Variants in RASA2 observed in about 807,000 individuals in gnomAD.
RASA2 encodes ras GTPase-activating protein 2.
Under a neutral mutation model 118.2 loss-of-function variants are expected in RASA2, and 155 were observed. The ratio of observed to expected loss-of-function variants is 1.31; its 90% CI spans 1.15 to 1.50. The LOEUF (loss-of-function observed/expected upper bound fraction) is 1.50. RASA2 is among the 40% of genes most tolerant of loss of function. The pLI is 0.00. For synonymous variants in RASA2, 353 were observed against 349.1 expected, an observed-to-expected ratio of 1.01 and a Z score of -0.12; for missense variants, 1,016 against 1,009.6, an observed-to-expected ratio of 1.01 and a Z score of -0.09.
intron 23 of RASA2, among the ~76,000 whole-genome samples, chr3:141,611,830 G>A (rs1236273378): frequency 6.6e-6 from 1 of 152,074 alleles, no homozygotes; most frequent in Non-Finnish European, 1.5e-5. Context: ...CTGTATTAAT[G>A]TAATTGGTTC....
intron 2 of RASA2, among the ~76,000 whole-genome samples, chr3:141,513,010 C>T (rs1354338719): frequency 1.3e-5 from 2 of 150,664 alleles, no homozygotes; most frequent in African/African-American, 2.4e-5. Context: ...TTGCAGTGAG[C>T]CAAGATTATG....
chr3:141,494,283 G>T (rs952955469), intron 1 of RASA2, among the ~76,000 whole-genome samples: 1 of 152,260 alleles, frequency 6.6e-6, no homozygotes, highest in African/African-American at 2.4e-5. Context: ...CACCAGCAAT[G>T]TATGACTGCC....
At chr3:141,589,941 G>A (rs972555221) in intron 19 of RASA2, among the ~76,000 whole-genome samples, 2 of 152,092 alleles carry the variant, frequency 1.3e-5, no homozygotes, top group African/African-American at 4.8e-5. Flanking sequence ...TAAAACAGAC[G>A]CATTAGAAGC....
At position 141,603,535 on chromosome 3, in the gene RASA2, T is replaced by G. The variant is rs993721967; in HGVS notation, c.1934-4143T>G. Among the ~76,000 whole-genome samples the G allele has an allele frequency of 2.0e-5, 3 of 152,178 alleles. 1 individual carries two copies. On this transcript the variant is annotated intron_variant, in intron 19 of 23. Transcript: ENST00000286364. The stretch of plus-strand genomic sequence containing the variant: ...GCAGTGAGCCGAGATCATGCCATTG[T>G]ACTCCAGCCTGGGTGATGAGAGCAA...
At chr3:141,584,368 G>C (rs1177556954) in intron 17 of RASA2, among the ~76,000 whole-genome samples, 1 of 148,136 alleles carries the variant, frequency 6.8e-6, no homozygotes, top group Admixed American at 6.7e-5. Flanking sequence ...AAGGAAAAAG[G>C]AATCGTTCCT....
At chr3:141,491,239 C>T (rs1293468451) in intron 1 of RASA2, among the ~76,000 whole-genome samples, 8 of 152,152 alleles carry the variant, frequency 5.3e-5, no homozygotes, top group Admixed American at 5.2e-4. Flanking sequence ...CTTTACTCCA[C>T]CCCATCTTTA....
chr3:141,532,815 A>G (rs34390752), intron 4 of RASA2, among the ~76,000 whole-genome samples: 1 of 152,282 alleles, frequency 6.6e-6, no homozygotes, highest in South Asian at 2.1e-4. Context: ...CAAGTGGCAC[A>G]TGGAAACTGA....
chr3:141,596,450 A>G (rs757859602), intron 19 of RASA2, among the ~76,000 whole-genome samples: 1 of 152,220 alleles, frequency 6.6e-6, no homozygotes, highest in South Asian at 2.1e-4. Flanking sequence ...TTACATAACT[A>G]AATGTATGGT....
At chr3:141,521,854 T>G (rs767226041) in intron 3 of RASA2, among the ~76,000 whole-genome samples, 17 of 152,092 alleles carry the variant, frequency 1.1e-4, no homozygotes, top group Admixed American at 2.0e-4. Flanking sequence ...TTTAACATTT[T>G]TCTAGTTCAG....
At chr3:141,488,764 A>G (rs1181159001) in intron 1 of RASA2, among the ~76,000 whole-genome samples, 2 of 152,190 alleles carry the variant, frequency 1.3e-5, no homozygotes, top group Non-Finnish European at 2.9e-5. Flanking sequence ...CTAATTTAAC[A>G]TTTGGGAAAA....
intron 5 of RASA2, 57 bp from the exon 6 acceptor site, chr3:141,553,800 T>A: frequency 6.4e-7 from 1 of 1,567,152 alleles, no homozygotes; most frequent in African/African-American, 1.4e-5. Context: ...TTAAAGATAA[T>A]GTTTTATCTT....
chr3:141,529,638 A>C (rs2082231106), intron 3 of RASA2, 70 bp from the exon 4 acceptor site: 1 of 1,041,986 alleles, frequency 9.6e-7, no homozygotes, highest in African/African-American at 1.6e-5. Flanking sequence ...GTATTATATA[A>C]AACAGTGCTA....
At chr3:141,539,394 T>C (rs2082374239) in intron 4 of RASA2, among the ~76,000 whole-genome samples, 1 of 152,202 alleles carries the variant, frequency 6.6e-6, no homozygotes, top group Non-Finnish European at 1.5e-5. Flanking sequence ...TCCATCAGTA[T>C]TTTTTGCTCA....
intron 1 of RASA2, among the ~76,000 whole-genome samples, chr3:141,500,797 A>G (rs1050466472): frequency 1.3e-5 from 2 of 152,226 alleles, no homozygotes; most frequent in Non-Finnish European, 2.9e-5. Context: ...ATCTGAAAGC[A>G]TTAGAAATCA....
Position 141,516,356 on chromosome 3 carries a change from G to C in RASA2, c.280G>C (p.Glu94Gln). Residue 94 changes from glutamate to glutamine, a missense_variant, in exon 3 of 24, where the codon GAG becomes CAG. Coordinates refer to ENST00000286364, the MANE Select transcript of RASA2 (RefSeq NM_006506.5). ...SPFFSEEFYF[E>Q]IPRTFQYLSF... ...ATTTTTCAGTGAAGAATTTTACTTT[G>C]AGATTCCAAGAACTTTCCAGTATTT... 1 of 1,561,346 alleles carries C rather than the reference G, an allele frequency of 6.4e-7. No homozygotes were observed. The highest frequency in any genetic ancestry group is 1.2e-5 in the South Asian group (1 of 80,650).
At chr3:141,557,730 G>T (rs909482882) in intron 7 of RASA2, among the ~76,000 whole-genome samples, 1 of 151,998 alleles carries the variant, frequency 6.6e-6, no homozygotes, top group African/African-American at 2.4e-5. Flanking sequence ...AGGGGATGGG[G>T]TATCTTTCAA....
chr3:141,560,055 A>G (rs1428525877), intron 9 of RASA2, 60 bp downstream of exon 9: 29 of 1,250,424 alleles, frequency 2.3e-5, no homozygotes, highest in Non-Finnish European at 3.3e-5. Flanking sequence ...CAGTATATAT[A>G]TGCAAATAAA....
intron 1 of RASA2, among the ~76,000 whole-genome samples, 155 bp from the exon 2 acceptor site, chr3:141,512,008 C>G (rs1035150884): frequency 6.6e-6 from 1 of 151,876 alleles, no homozygotes; most frequent in Non-Finnish European, 1.5e-5. Context: ...TTAACAATCT[C>G]CTTTAGACCA....
chr3:141,497,089 C>T (rs1229404280), intron 1 of RASA2, among the ~76,000 whole-genome samples: 1 of 148,550 alleles, frequency 6.7e-6, no homozygotes, highest in Non-Finnish European at 1.5e-5. Context: ...ACCACATGTT[C>T]TCACTCATAG....
Sources: gnomAD v4.1 joint callset for allele counts (sites outside exome capture counted in the v4.1 genomes callset) on GRCh38, gnomAD v4.1.1 for gene constraint, MANE v1.5 for transcripts, NCBI Gene and HGNC (gene_info 2026-07-23, HGNC 2026-07-21) for gene names.